SLC24A2: variants seen among roughly 807,000 people sequenced by gnomAD.
SLC24A2 encodes the protein sodium/potassium/calcium exchanger 2.
Under a neutral mutation model 62.0 loss-of-function variants are expected in SLC24A2, and 36 were observed. The ratio of observed to expected loss-of-function variants is 0.58; its 90% confidence interval spans 0.44 to 0.77. The LOEUF is 0.77. Among genes scored for constraint, SLC24A2 ranks in the 30% least tolerant of loss-of-function variants. SLC24A2 has a pLI of 0.00. For synonymous variants in SLC24A2, 358 were observed against 294.0 expected, an observed-to-expected ratio of 1.22 and a Z score of -2.23; for missense variants, 846 against 817.9, an observed-to-expected ratio of 1.03 and a Z score of -0.42.
the SLC24A2 span, among the ~76,000 whole-genome samples, chr9:19,841,507 T>C: frequency 1.3e-5 from 2 of 152,184 alleles, no homozygotes; most frequent in East Asian, 3.9e-4. Context: ...GATGATGGGT[T>C]AGGGGAGGGC....
At chr9:20,290,405 T>G in the SLC24A2 span, among the ~76,000 whole-genome samples, 1 of 152,248 alleles carries the variant, frequency 6.6e-6, no homozygotes, top group Non-Finnish European at 1.5e-5. Flanking sequence ...TATCTCATCT[T>G]GCCTGTAATC....
chr9:19,678,013 T>A lies in SLC24A2; in HGVS notation c.931-55714A>T, dbSNP rs1458495648. 2.0e-5 allele frequency among the ~76,000 whole-genome samples: 3 copies of A among 152,300 alleles called. No homozygotes were observed. The East Asian group carries it at 5.8e-4, about 29-fold the overall frequency. ...ACAGAGGGCTTCAACCAGACAATCCTGGTCTTAAATCTTATCTCTGTCGCA... is the reference window on the plus strand; with the variant it reads ...ACAGAGGGCTTCAACCAGACAATCCAGGTCTTAAATCTTATCTCTGTCGCA... On this transcript the variant is annotated intron_variant, in intron 2 of 10. Coordinates refer to ENST00000341998, the MANE Select transcript of SLC24A2 (RefSeq NM_020344.4).
chr9:20,034,658 C>A, the SLC24A2 span, among the ~76,000 whole-genome samples: 1 of 151,844 alleles, frequency 6.6e-6, no homozygotes, highest in Non-Finnish European at 1.5e-5. Flanking sequence ...TTAGTAGAGA[C>A]GGGGTTTCAC....
the SLC24A2 span, among the ~76,000 whole-genome samples, chr9:20,252,461 A>G: frequency 1.3e-5 from 2 of 152,136 alleles, no homozygotes. Flanking sequence ...GCTTTTTGAC[A>G]CTTAGTTCAC....
chr9:20,246,475 G>C, the SLC24A2 span, among the ~76,000 whole-genome samples: 1 of 152,198 alleles, frequency 6.6e-6, no homozygotes, highest in Non-Finnish European at 1.5e-5. Context: ...CATTCAGTCA[G>C]GAGGAAAGAG....
At chr9:20,265,774 T>C in the SLC24A2 span, among the ~76,000 whole-genome samples, 1 of 152,308 alleles carries the variant, frequency 6.6e-6, no homozygotes, top group Non-Finnish European at 1.5e-5. Context: ...GAGCCATATT[T>C]CTCTTCTTTC....
chr9:20,189,381 T>C, the SLC24A2 span, among the ~76,000 whole-genome samples: 1 of 152,200 alleles, frequency 6.6e-6, no homozygotes, highest in Non-Finnish European at 1.5e-5. Flanking sequence ...CCAGTCATCA[T>C]AACTGGGTAG....
the SLC24A2 span, among the ~76,000 whole-genome samples, chr9:19,805,428 T>C: frequency 6.6e-6 from 1 of 152,166 alleles, no homozygotes; most frequent in Admixed American, 6.5e-5. Flanking sequence ...AACAATGATA[T>C]TATGCAGAGC....
chr9:19,799,419 T>G, the SLC24A2 span, among the ~76,000 whole-genome samples: 1 of 152,218 alleles, frequency 6.6e-6, no homozygotes, highest in Non-Finnish European at 1.5e-5. Context: ...GTTTATCTAT[T>G]TGGTAGAATC....
the SLC24A2 span, among the ~76,000 whole-genome samples, chr9:19,960,510 C>G: frequency 2.3e-3 from 349 of 152,264 alleles, 2 homozygotes; most frequent in African/African-American, 8.0e-3. Flanking sequence ...CCTTGGGCTG[C>G]TATTGTGTGG....
intron 8 of SLC24A2, among the ~76,000 whole-genome samples, chr9:19,535,190 C>G (rs1395393950): frequency 6.6e-6 from 1 of 152,072 alleles, no homozygotes; most frequent in African/African-American, 2.4e-5. Context: ...ATCCTTTGCC[C>G]ACTTTTTGAT....
At chr9:19,772,633 T>G (rs1390648076) in intron 2 of SLC24A2, among the ~76,000 whole-genome samples, 1 of 151,958 alleles carries the variant, frequency 6.6e-6, no homozygotes, top group Non-Finnish European at 1.5e-5. Context: ...ATCAGGAAAA[T>G]GCAAACCAAA....
chr9:19,612,212 A>C lies in SLC24A2; in HGVS notation c.1078+7372T>G, dbSNP rs186757976. On this transcript the variant is annotated intron_variant, in intron 4 of 10. Coordinates refer to ENST00000341998, the MANE Select transcript of SLC24A2 (RefSeq NM_020344.4). ...TCACTATTACTCTCTGGAGCAAGCAAGATTCTATACTGAGGTCCTTTTCTG... is the reference window on the plus strand; with the variant it reads ...TCACTATTACTCTCTGGAGCAAGCACGATTCTATACTGAGGTCCTTTTCTG... Among the ~76,000 whole-genome samples, 3 of 152,342 alleles carry C rather than the reference A, an allele frequency of 2.0e-5. 1 individual carries two copies. The East Asian group carries it at 5.8e-4, about 29-fold the overall frequency.
At chr9:20,296,567 T>C in the SLC24A2 span, among the ~76,000 whole-genome samples, 1 of 152,270 alleles carries the variant, frequency 6.6e-6, no homozygotes, top group African/African-American at 2.4e-5. Context: ...TCTTTCACAA[T>C]GCAGATGTAC....
the SLC24A2 span, among the ~76,000 whole-genome samples, chr9:19,989,586 C>T: frequency 0.013 from 2,007 of 152,274 alleles, 44 homozygotes; most frequent in African/African-American, 0.045. Context: ...CTGGTCCTCC[C>T]TGTTTCTTAG....
At chr9:19,906,829 A>G in the SLC24A2 span, among the ~76,000 whole-genome samples, 1 of 152,216 alleles carries the variant, frequency 6.6e-6, no homozygotes, top group Non-Finnish European at 1.5e-5. Context: ...TTGAGGCAAT[A>G]ATTAATAGCT....
At chr9:19,619,509 C>T (rs1817854795) in intron 4 of SLC24A2, 75 bp downstream of exon 4, 2 of 1,163,780 alleles carry the variant, frequency 1.7e-6, no homozygotes, top group Non-Finnish European at 2.6e-6. Context: ...ACAGCACAAA[C>T]ACGTTTTATG....
the SLC24A2 span, among the ~76,000 whole-genome samples, chr9:20,304,028 G>A: frequency 2.0e-5 from 3 of 152,162 alleles, no homozygotes; most frequent in Non-Finnish European, 4.4e-5. Context: ...TACATTTCAT[G>A]ACATAGCTAT....
chr9:19,888,861 C>T, the SLC24A2 span, among the ~76,000 whole-genome samples: 180 of 152,256 alleles, frequency 1.2e-3, 2 homozygotes, highest in African/African-American at 4.1e-3. Context: ...ACAACTGGAA[C>T]CCATGAGGAC....
Sources: gnomAD v4.1 joint callset for allele counts (sites outside exome capture counted in the v4.1 genomes callset) on GRCh38, gnomAD v4.1.1 for gene constraint, MANE v1.5 for transcripts, NCBI Gene and HGNC (gene_info 2026-07-23, HGNC 2026-07-21) for gene names.